FHOD3: variants seen among roughly 807,000 people sequenced by gnomAD.
FHOD3 encodes the protein FH1/FH2 domain-containing protein 3.
In FHOD3, 90 loss-of-function variants were observed where a neutral mutation model predicts 173.0. The observed-to-expected ratio is 0.52, with a 90% CI of 0.44 to 0.62. The LOEUF is 0.62. FHOD3 is among the 20% of genes least tolerant of loss of function. The pLI is 0.00. For missense variants in FHOD3, 1,945 were observed against 2,034.7 expected (o/e 0.96, Z 0.85); for synonymous variants, 828 against 823.0 (o/e 1.01, Z -0.10).
chr18:36,772,339 A>G (rs2043423171), intron 28 of FHOD3, among the ~76,000 whole-genome samples: 1 of 152,260 alleles, frequency 6.6e-6, no homozygotes, highest in Non-Finnish European at 1.5e-5. Context: ...GGTTAAAGGA[A>G]CAACAAAAAG....
intron 5 of FHOD3, among the ~76,000 whole-genome samples, chr18:36,560,465 G>T (rs1371730473): frequency 6.6e-6 from 1 of 152,202 alleles, no homozygotes; most frequent in African/African-American, 2.4e-5. Flanking sequence ...GCCTGCACTT[G>T]CCACTACTTG....
chr18:36,661,997 T>C (rs2036841969), intron 14 of FHOD3, among the ~76,000 whole-genome samples: 1 of 152,206 alleles, frequency 6.6e-6, no homozygotes, highest in African/African-American at 2.4e-5. Context: ...TTTTTGAAAA[T>C]GTACTTTTTG....
At chr18:36,346,235 G>A (rs1333241566) in intron 1 of FHOD3, among the ~76,000 whole-genome samples, 3 of 152,028 alleles carry the variant, frequency 2.0e-5, no homozygotes, top group Admixed American at 6.6e-5. Context: ...ACGTGGTAAC[G>A]CACACCTGCA....
chr18:36,734,832 G>A lies in FHOD3; in HGVS notation c.3576+4028G>A, dbSNP rs142599955. The stretch of plus-strand genomic sequence containing the variant: ...CTGTAGCCTGGCACCATGGCTTAAC[G>A]GGGTCGTTTGAAAGCTCTGTGTACC... On this transcript the variant is annotated intron_variant, in intron 20 of 28. Transcript: ENST00000590592. Among the ~76,000 whole-genome samples, 778 of 152,230 alleles carry A rather than the reference G, an allele frequency of 5.1e-3. 8 individuals are homozygous for A. The highest frequency in any genetic ancestry group is 0.017 in the African/African-American group (715 of 41,540).
intron 8 of FHOD3, among the ~76,000 whole-genome samples, chr18:36,603,678 A>G (rs62083974): frequency 0.22 from 32,646 of 151,454 alleles, 3,587 homozygotes; most frequent in South Asian, 0.29. Context: ...TAATTTTTGT[A>G]TTTTTAGTAG....
At chr18:36,391,900 C>T (rs1400974793) in intron 3 of FHOD3, among the ~76,000 whole-genome samples, 8 of 152,192 alleles carry the variant, frequency 5.3e-5, no homozygotes, top group African/African-American at 1.9e-4. Flanking sequence ...GCTCAAATGT[C>T]TCCCCATGCC....
intron 3 of FHOD3, among the ~76,000 whole-genome samples, chr18:36,437,997 T>C (rs1487415207): frequency 6.6e-6 from 1 of 152,046 alleles, no homozygotes; most frequent in Non-Finnish European, 1.5e-5. Context: ...TTTATTTCAG[T>C]GGCATCCCCT....
intron 14 of FHOD3, among the ~76,000 whole-genome samples, chr18:36,670,154 G>A (rs1476706283): frequency 2.0e-5 from 3 of 151,616 alleles, no homozygotes; most frequent in Non-Finnish European, 2.9e-5. Context: ...TCCTTTGGCT[G>A]CTTTTAAGGT....
At chr18:36,356,124 T>C (rs553183606) in intron 2 of FHOD3, among the ~76,000 whole-genome samples, 5 of 152,346 alleles carry the variant, frequency 3.3e-5, no homozygotes, top group Non-Finnish European at 7.3e-5. Context: ...ATGGATATTT[T>C]CCAGATTTTA....
At chr18:36,756,465 T>TA in intron 25 of FHOD3, among the ~76,000 whole-genome samples, 1 of 152,270 alleles carries the variant, frequency 6.6e-6, no homozygotes, top group African/African-American at 2.4e-5. Context: ...TCTGGGCAGT[T>TA]ACACATTTCA....
intron 25 of FHOD3, among the ~76,000 whole-genome samples, chr18:36,757,883 C>T (rs557123815): frequency 6.6e-6 from 1 of 152,336 alleles, no homozygotes; most frequent in South Asian, 2.1e-4. Context: ...GCCGCATTCA[C>T]ACTCGTGAGG....
At chr18:36,352,315 C>A (rs1027892907) in intron 1 of FHOD3, among the ~76,000 whole-genome samples, 2 of 152,064 alleles carry the variant, frequency 1.3e-5, no homozygotes, top group East Asian at 3.9e-4. Context: ...TAGAAACTCA[C>A]AATTGAGCAG....
chr18:36,434,447 C>G (rs1460420182), intron 3 of FHOD3, among the ~76,000 whole-genome samples: 1 of 152,224 alleles, frequency 6.6e-6, no homozygotes, highest in African/African-American at 2.4e-5. Flanking sequence ...ATGCTATACA[C>G]TCTTGATTAC....
Position 36,482,452 on chromosome 18 carries a change from C to G in FHOD3, c.338-19480C>G, listed in dbSNP as rs576418434. 2.8e-3 allele frequency among the ~76,000 whole-genome samples: 419 copies of G among 151,718 alleles called. 2 individuals carry two copies. Among genetic ancestry groups the G allele is most frequent in the Non-Finnish European group, 3.9e-3 (264 of 67,904 alleles). ...AGAAGCAGGGTGACCACTGCGTGACCCCCCCGCCCCGCAAGGCATGATTGC... is the reference window on the plus strand; with the variant it reads ...AGAAGCAGGGTGACCACTGCGTGACGCCCCCGCCCCGCAAGGCATGATTGC... On this transcript the variant is annotated intron_variant, in intron 3 of 28. Coordinates refer to ENST00000590592, the MANE Select transcript of FHOD3 (RefSeq NM_001281740.3).
chr18:36,685,193 A>G (rs750148673), intron 15 of FHOD3, among the ~76,000 whole-genome samples: 5 of 152,236 alleles, frequency 3.3e-5, no homozygotes, highest in Non-Finnish European at 5.9e-5. Context: ...ATCAGAGGCC[A>G]TGCTAATAAC....
intron 3 of FHOD3, among the ~76,000 whole-genome samples, chr18:36,494,305 T>TTA (rs2054622891): frequency 2.0e-5 from 3 of 152,314 alleles, no homozygotes; most frequent in African/African-American, 7.2e-5. Context: ...TACAAGCTAG[T>TTA]TTACAGCATA....
At chr18:36,599,095 T>C (rs559316175) in intron 7 of FHOD3, among the ~76,000 whole-genome samples, 2 of 152,326 alleles carry the variant, frequency 1.3e-5, no homozygotes, top group East Asian at 3.9e-4. Context: ...TTTTGCCATA[T>C]TGGAGACTCC....
intron 16 of FHOD3, among the ~76,000 whole-genome samples, chr18:36,688,143 G>C (rs2038745952): frequency 6.6e-6 from 1 of 152,164 alleles, no homozygotes; most frequent in Admixed American, 6.5e-5. Flanking sequence ...AGTGGAAACT[G>C]GTTTTACAAG....
chr18:36,331,396 C>T (rs370859211), intron 1 of FHOD3, among the ~76,000 whole-genome samples: 44 of 152,260 alleles, frequency 2.9e-4, no homozygotes, highest in Non-Finnish European at 4.7e-4. Context: ...AGTAGATAAA[C>T]GTGGCAGAGT....
Sources: allele counts gnomAD v4.1 joint callset (sites outside exome capture counted in the v4.1 genomes callset), GRCh38; gene constraint gnomAD v4.1.1; transcripts MANE v1.5; gene names NCBI Gene and HGNC (gene_info 2026-07-23, HGNC 2026-07-21).